The following COL19A1 variants were observed in gnomAD, a reference collection of about 807,000 sequenced individuals.
COL19A1 encodes collagen alpha-1(XIX) chain.
Under a neutral mutation model 190.2 loss-of-function variants are expected in COL19A1, and 159 were observed. The ratio of observed to expected loss-of-function variants is 0.84; its 90% CI spans 0.73 to 0.95. The LOEUF is 0.95. Ranked by LOEUF, COL19A1 falls within the 40% of genes least tolerant of loss-of-function variation. The pLI is 0.00. For missense variants in COL19A1, 1,418 were observed against 1,431.9 expected (o/e 0.99, Z 0.16); for synonymous variants, 509 against 458.9 (o/e 1.11, Z -1.39).
chr6:69,911,641 C>T (rs1454780561), intron 4 of COL19A1, among the ~76,000 whole-genome samples: 1 of 152,128 alleles, frequency 6.6e-6, no homozygotes. Context: ...ACAATCTCAA[C>T]TTCTTCTCTC....
At chr6:70,128,776 CA>C (rs950300445) in intron 17 of COL19A1, among the ~76,000 whole-genome samples, 1 of 152,202 alleles carries the variant, frequency 6.6e-6, no homozygotes, top group African/African-American at 2.4e-5. Flanking sequence ...AGAAAGAGAA[CA>C]CACTTCCTTG....
chr6:69,893,722 C>G (rs963090631), intron 2 of COL19A1, among the ~76,000 whole-genome samples: 13 of 152,128 alleles, frequency 8.5e-5, no homozygotes, highest in African/African-American at 7.2e-5. Flanking sequence ...CCTTTGTTTT[C>G]TTTCCTTTGT....
intron 11 of COL19A1, among the ~76,000 whole-genome samples, chr6:70,017,743 C>G (rs1778196834): frequency 6.6e-6 from 1 of 152,062 alleles, no homozygotes; most frequent in Non-Finnish European, 1.5e-5. Flanking sequence ...TATAGTATCA[C>G]AGCAAGTAAG....
At chr6:69,902,793 A>G (rs148434201) in intron 4 of COL19A1, among the ~76,000 whole-genome samples, 27 of 152,224 alleles carry the variant, frequency 1.8e-4, no homozygotes, top group South Asian at 1.2e-3. Context: ...TTAAATTTCC[A>G]AGGAGTAACT....
In COL19A1 at chr6:70,153,644, T is replaced by C. The variant is rs1207009997; in HGVS notation, c.2079+2206T>C. Among the ~76,000 whole-genome samples the C allele has an allele frequency of 2.0e-5, 3 of 152,134 alleles. No homozygotes were observed. The East Asian group carries it at 5.8e-4, about 29-fold the overall frequency. On this transcript the variant is annotated intron_variant, in intron 31 of 50. Coordinates refer to ENST00000620364, the MANE Select transcript of COL19A1 (RefSeq NM_001858.6). ...TAATCTATTCTAAAATGTTGCTCCATATTGATATGCCAAGGTTTTGCTCCA... is the reference window on the plus strand; with the variant it reads ...TAATCTATTCTAAAATGTTGCTCCACATTGATATGCCAAGGTTTTGCTCCA...
intron 15 of COL19A1, among the ~76,000 whole-genome samples, chr6:70,074,383 C>T (rs1781739304): frequency 6.6e-6 from 1 of 150,900 alleles, no homozygotes; most frequent in African/African-American, 2.4e-5. Context: ...CCAGTAATCT[C>T]AGCTACTCGG....
intron 4 of COL19A1, among the ~76,000 whole-genome samples, chr6:69,926,547 G>A (rs1772410106): frequency 6.6e-6 from 1 of 152,058 alleles, no homozygotes; most frequent in African/African-American, 2.4e-5. Flanking sequence ...TCTGAGGTAG[G>A]AGAAGAAAGA....
intron 23 of COL19A1, among the ~76,000 whole-genome samples, chr6:70,143,527 A>C (rs1377179012): frequency 1.3e-5 from 2 of 152,026 alleles, no homozygotes; most frequent in South Asian, 2.1e-4. Context: ...CCTCCAGGCA[A>C]CTCTTAGGAT....
At chr6:70,204,747 A>G (rs775318218) in intron 49 of COL19A1, among the ~76,000 whole-genome samples, 1 of 152,164 alleles carries the variant, frequency 6.6e-6, no homozygotes, top group Non-Finnish European at 1.5e-5. Context: ...ATCTTCAGTT[A>G]TTATTCTTCC....
At chr6:70,035,444 G>C (rs1365556281) in intron 13 of COL19A1, among the ~76,000 whole-genome samples, 3 of 152,158 alleles carry the variant, frequency 2.0e-5, no homozygotes, top group African/African-American at 7.2e-5. Context: ...ATTCAGCAGA[G>C]CTTTAGAAGA....
intron 14 of COL19A1, among the ~76,000 whole-genome samples, chr6:70,058,889 T>A (rs969025444): frequency 6.6e-6 from 1 of 152,032 alleles, no homozygotes; most frequent in Non-Finnish European, 1.5e-5. Flanking sequence ...ACTTATTTGC[T>A]TTTTTCTTTT....
chr6:70,034,763 A>T (rs1168898356), intron 13 of COL19A1, among the ~76,000 whole-genome samples: 1 of 152,228 alleles, frequency 6.6e-6, no homozygotes, highest in East Asian at 1.9e-4. Context: ...CTTGAAAAGG[A>T]AATTAAGAAA....
At chr6:69,904,797 C>A (rs1770438304) in intron 4 of COL19A1, among the ~76,000 whole-genome samples, 1 of 152,214 alleles carries the variant, frequency 6.6e-6, no homozygotes, top group African/African-American at 2.4e-5. Context: ...CCTGCTTGCA[C>A]CTGAAGGTCC....
chr6:70,122,718 T>C (rs1052112110), intron 17 of COL19A1, among the ~76,000 whole-genome samples: 6 of 152,206 alleles, frequency 3.9e-5, no homozygotes, highest in Non-Finnish European at 8.8e-5. Flanking sequence ...TCCATGTTCT[T>C]ACTTTCCCTT....
At chr6:70,147,939 T>C (rs1786771158) in intron 27 of COL19A1, among the ~76,000 whole-genome samples, 1 of 152,104 alleles carries the variant, frequency 6.6e-6, no homozygotes, top group African/African-American at 2.4e-5. Context: ...GTTTACTGGT[T>C]TATGATATCA....
rs138374249 is a variant in COL19A1, at chr6:70,024,113, A to G, written c.1080+433A>G. On this transcript the variant is annotated intron_variant, in intron 12 of 50. Coordinates refer to ENST00000620364, the MANE Select transcript of COL19A1 (RefSeq NM_001858.6). Reference sequence around the variant, plus strand: ...CGAAGTGAAGGGAAACTAACTCCGTATTGCTCCCCTCCATGGCACCAGTTC... The same window carrying G: ...CGAAGTGAAGGGAAACTAACTCCGTGTTGCTCCCCTCCATGGCACCAGTTC... 2.9e-4 allele frequency among the ~76,000 whole-genome samples: 44 copies of G among 152,060 alleles called. 1 individual carries two copies. In the East Asian group the frequency reaches 7.2e-3, roughly 25 times the overall value.
intron 48 of COL19A1, among the ~76,000 whole-genome samples, chr6:70,190,682 G>A (rs998129697): frequency 6.6e-6 from 1 of 152,056 alleles, no homozygotes; most frequent in East Asian, 1.9e-4. Flanking sequence ...CTCCTCCTTA[G>A]TTTTCTCTTT....
In COL19A1 at chr6:70,156,210, G is replaced by T. The variant is rs1787423281; in HGVS notation, c.2163G>T (p.Lys721Asn). 2 of 1,613,354 alleles carry T rather than the reference G, an allele frequency of 1.2e-6. No individual in the cohort carries two copies. The highest frequency in any genetic ancestry group is 1.3e-5 in the African/African-American group (1 of 74,982). The change falls in exon 32 of 51, where the codon AAG (lysine) becomes AAT (asparagine). Residue 721 changes from lysine to asparagine, a missense_variant. By Grantham distance (94) the Lys-to-Asn change is moderately conservative. Transcript: ENST00000620364. ...GEEGGAGEPG[K>N]YDSMARKGDI... ...AAGGAGGTGCTGGTGAGCCTGGAAA[G>T]TATGATTCCATGGCCCGGAAGGTGA...
At position 70,208,244 on chromosome 6, in the gene COL19A1, C is replaced by T. The variant is rs1768010479; in HGVS notation, c.*970C>T. The T allele has an allele frequency of 1.3e-5, 2 of 152,166 alleles. No individual in the cohort carries two copies. The highest frequency in any genetic ancestry group is 4.8e-5 in the African/African-American group (2 of 41,416). 9.4% of individuals were successfully genotyped at this position (152,166 alleles called of 1,614,324 possible). The stretch of plus-strand genomic sequence containing the variant: ...CTCAGACTTTAAGACAAGAAGCCAC[C>T]ATCAAAACAAAGGATGGGATACGTA... On this transcript the variant is annotated 3_prime_UTR_variant, in exon 51 of 51. Coordinates refer to ENST00000620364, the MANE Select transcript of COL19A1 (RefSeq NM_001858.6).
Sources: allele counts gnomAD v4.1 joint callset (sites outside exome capture counted in the v4.1 genomes callset), GRCh38; gene constraint gnomAD v4.1.1; transcripts MANE v1.5; gene names NCBI Gene and HGNC (gene_info 2026-07-23, HGNC 2026-07-21).